SLC71A2: variants seen among roughly 807,000 people sequenced by gnomAD.
The protein encoded by SLC71A2 is solute carrier family 71 member 2.
At chr9:94,422,485 A>G in the SLC71A2 span, among the ~76,000 whole-genome samples, 8 of 152,176 alleles carry the variant, frequency 5.3e-5, no homozygotes, top group Admixed American at 3.3e-4. Context: ...TTTCTTGTAT[A>G]TATCTTTTGG....
At chr9:94,406,664 G>C in the SLC71A2 span, among the ~76,000 whole-genome samples, 3 of 152,298 alleles carry the variant, frequency 2.0e-5, no homozygotes, top group South Asian at 6.2e-4. Flanking sequence ...TGAGCCACTG[G>C]ACTCAGCCCA....
At chr9:94,435,748 G>A in the SLC71A2 span, among the ~76,000 whole-genome samples, 1 of 148,956 alleles carries the variant, frequency 6.7e-6, no homozygotes, top group Non-Finnish European at 1.5e-5. Flanking sequence ...TCCGCCTCCT[G>A]GGTTCAAGCG....
chr9:94,441,732 G>A, the SLC71A2 span, among the ~76,000 whole-genome samples: 7 of 152,074 alleles, frequency 4.6e-5, no homozygotes, highest in Non-Finnish European at 2.9e-5. Context: ...ACATACATTT[G>A]GAACATGGTA....
At chr9:94,418,779 G>A in the SLC71A2 span, among the ~76,000 whole-genome samples, 5 of 128,824 alleles carry the variant, frequency 3.9e-5, no homozygotes, top group East Asian at 2.1e-4. Flanking sequence ...TTTTTTTCAC[G>A]AGTGGGGTCT....
chr9:94,421,782 TAGAGA>T, the SLC71A2 span, among the ~76,000 whole-genome samples: 20 of 152,228 alleles, frequency 1.3e-4, no homozygotes, highest in African/African-American at 4.3e-4. Context: ...TCTCGTGAAC[TAGAGA>T]GCTTTGGTAG....
At chr9:94,397,412 C>T in the SLC71A2 span, among the ~76,000 whole-genome samples, 160 of 151,712 alleles carry the variant, frequency 1.1e-3, no homozygotes, top group Admixed American at 3.0e-3. Flanking sequence ...GCTTGGGCAT[C>T]GCTCTTCAAA....
the SLC71A2 span, among the ~76,000 whole-genome samples, chr9:94,410,804 C>T: frequency 6.6e-6 from 1 of 152,170 alleles, no homozygotes; most frequent in Admixed American, 6.5e-5. Flanking sequence ...CTCACTCTTT[C>T]CCCCAGGCTG....
the SLC71A2 span, among the ~76,000 whole-genome samples, chr9:94,421,857 C>T: frequency 6.6e-6 from 1 of 152,114 alleles, no homozygotes; most frequent in African/African-American, 2.4e-5. Flanking sequence ...GACTCCTAGG[C>T]TTTTGTGAGC....
the SLC71A2 span, among the ~76,000 whole-genome samples, chr9:94,409,713 T>C: frequency 2.6e-5 from 4 of 152,064 alleles, 1 homozygote; most frequent in African/African-American, 7.2e-5. Context: ...GTGATTTCTT[T>C]TATCTGTTAT....
At chr9:94,453,865 C>T in the SLC71A2 span, 1 of 834,420 alleles carries the variant, frequency 1.2e-6, no homozygotes, top group Non-Finnish European at 2.0e-6. Context: ...TTAGAGGTCT[C>T]TGGTCATCAG....
chr9:94,421,230 G>A, the SLC71A2 span, among the ~76,000 whole-genome samples: 4 of 151,884 alleles, frequency 2.6e-5, no homozygotes, highest in African/African-American at 9.7e-5. Flanking sequence ...ATACCTTTTT[G>A]TGTAAGCTTT....
chr9:94,410,569 T>C, the SLC71A2 span, among the ~76,000 whole-genome samples: 1 of 152,046 alleles, frequency 6.6e-6, no homozygotes, highest in Non-Finnish European at 1.5e-5. Context: ...GTTTTTAATA[T>C]TGATTCTAAA....
chr9:94,418,761 T>C, the SLC71A2 span, among the ~76,000 whole-genome samples: 3 of 140,020 alleles, frequency 2.1e-5, no homozygotes, highest in Admixed American at 7.1e-5. Flanking sequence ...TTAATTCTTT[T>C]TTTTTTTTTT....
chr9:94,447,173 CATAATTT>C, the SLC71A2 span, among the ~76,000 whole-genome samples: 2 of 150,614 alleles, frequency 1.3e-5, no homozygotes, highest in African/African-American at 4.9e-5. Context: ...TTAGCAGAAA[CATAATTT>C]ATCTTTTTTT....
the SLC71A2 span, chr9:94,374,776 C>A: frequency 2.5e-6 from 1 of 393,330 alleles, no homozygotes; most frequent in Non-Finnish European, 3.8e-6. Context: ...GCGGCGTCGC[C>A]GTCGTCCCGG....
chr9:94,385,312 G>T, the SLC71A2 span, among the ~76,000 whole-genome samples: 1 of 152,194 alleles, frequency 6.6e-6, no homozygotes, highest in East Asian at 1.9e-4. Flanking sequence ...ATTGCCAAAT[G>T]CATACTATGA....
At chr9:94,396,758 C>T in the SLC71A2 span, among the ~76,000 whole-genome samples, 912 of 152,088 alleles carry the variant, frequency 6.0e-3, 7 homozygotes, top group African/African-American at 0.02. Context: ...TTAGCTAACC[C>T]CTGCTCTAAT....
the SLC71A2 span, among the ~76,000 whole-genome samples, chr9:94,441,989 A>G: frequency 6.6e-6 from 1 of 152,154 alleles, no homozygotes; most frequent in African/African-American, 2.4e-5. Flanking sequence ...TAGCATGTGG[A>G]TGTGCATGTG....
At chr9:94,449,516 C>T in the SLC71A2 span, among the ~76,000 whole-genome samples, 1 of 152,194 alleles carries the variant, frequency 6.6e-6, no homozygotes, top group Non-Finnish European at 1.5e-5. Flanking sequence ...CCGTCAAGGA[C>T]ATGCAAGTCA....
Sources: gnomAD v4.1 joint callset for allele counts (sites outside exome capture counted in the v4.1 genomes callset) on GRCh38, gnomAD v4.1.1 for gene constraint, MANE v1.5 for transcripts, NCBI Gene and HGNC (gene_info 2026-07-23, HGNC 2026-07-21) for gene names.